The following RNGTT variants were observed in gnomAD, a reference collection of about 807,000 sequenced individuals.
RNGTT encodes the protein RNA guanylyltransferase and 5'-phosphatase, also known as mRNA-capping enzyme.
Under a neutral mutation model 79.3 loss-of-function variants are expected in RNGTT, and 33 were observed. That is an observed-to-expected ratio of 0.42 (90% CI 0.32 to 0.56). The LOEUF is 0.56. Ranked by LOEUF, RNGTT falls within the 20% of genes least tolerant of loss-of-function variation. The pLI is 0.17. For missense variants in RNGTT, 497 were observed against 739.1 expected (o/e 0.67, Z 3.80); for synonymous variants, 222 against 235.9 (o/e 0.94, Z 0.54).
chr6:88,942,479 T>G (rs1784882848), intron 1 of RNGTT, among the ~76,000 whole-genome samples: 1 of 151,868 alleles, frequency 6.6e-6, no homozygotes, highest in African/African-American at 2.4e-5. Flanking sequence ...CAAGCAATCC[T>G]TCCACCTCAG....
chr6:88,786,235 G>C (rs779183081), intron 12 of RNGTT, among the ~76,000 whole-genome samples: 5 of 151,960 alleles, frequency 3.3e-5, no homozygotes, highest in Non-Finnish European at 7.4e-5. Flanking sequence ...TAAAATCAAA[G>C]CTGATTTTTC....
At chr6:88,616,078 A>G (rs1772205695) in intron 14 of RNGTT, among the ~76,000 whole-genome samples, 1 of 152,188 alleles carries the variant, frequency 6.6e-6, no homozygotes, top group African/African-American at 2.4e-5. Context: ...GATACTTCAT[A>G]CGAGTATTAA....
chr6:88,919,937 C>A (rs1400966496), intron 4 of RNGTT, among the ~76,000 whole-genome samples: 3 of 152,042 alleles, frequency 2.0e-5, no homozygotes, highest in Admixed American at 6.5e-5. Flanking sequence ...GATCCACCCG[C>A]CTCGGCCTCC....
chr6:88,763,134 G>A (rs1419468027), intron 13 of RNGTT, among the ~76,000 whole-genome samples: 1 of 146,844 alleles, frequency 6.8e-6, no homozygotes, highest in East Asian at 2.0e-4. Flanking sequence ...TTAGAAATGG[G>A]GTTTCACCAG....
chr6:88,769,082 AAG>A (rs1381192750), intron 13 of RNGTT, among the ~76,000 whole-genome samples: 1 of 152,196 alleles, frequency 6.6e-6, no homozygotes, highest in Non-Finnish European at 1.5e-5. Context: ...TAATTCATAT[AAG>A]AGAATTATTT....
At chr6:88,903,078 C>T (rs1401502963) in intron 6 of RNGTT, among the ~76,000 whole-genome samples, 1 of 152,052 alleles carries the variant, frequency 6.6e-6, no homozygotes, top group Non-Finnish European at 1.5e-5. Context: ...AGAATAAAAG[C>T]AACCATAAAG....
intron 13 of RNGTT, among the ~76,000 whole-genome samples, chr6:88,717,073 C>A (rs1423693266): frequency 1.3e-5 from 2 of 152,108 alleles, no homozygotes; most frequent in Non-Finnish European, 2.9e-5. Flanking sequence ...TAAGTGAGAA[C>A]TTATGGTTTA....
chr6:88,800,652 C>T (rs9351185), intron 12 of RNGTT, among the ~76,000 whole-genome samples: 19,333 of 152,150 alleles, frequency 0.13, 1,394 homozygotes, highest in Middle Eastern at 0.23. Flanking sequence ...AAACACAAAC[C>T]GCTAAACTCC....
At chr6:88,645,941 G>T (rs569751358) in intron 14 of RNGTT, among the ~76,000 whole-genome samples, 1 of 152,170 alleles carries the variant, frequency 6.6e-6, no homozygotes, top group African/African-American at 2.4e-5. Context: ...ACATAGGCAT[G>T]GGCAAGGACT....
intron 13 of RNGTT, among the ~76,000 whole-genome samples, chr6:88,747,996 T>G (rs75891494): frequency 1.3e-5 from 2 of 152,148 alleles, no homozygotes; most frequent in Non-Finnish European, 2.9e-5. Flanking sequence ...TTAACTAAAC[T>G]AACACAGTAA....
chr6:88,861,609 C>T (rs184137640), intron 8 of RNGTT, among the ~76,000 whole-genome samples: 37 of 152,244 alleles, frequency 2.4e-4, no homozygotes, highest in Admixed American at 1.5e-3. Context: ...CTCCTTCTCA[C>T]CTCCTTTAAC....
chr6:88,798,294 G>C (rs1363563933), intron 12 of RNGTT, among the ~76,000 whole-genome samples: 1 of 151,886 alleles, frequency 6.6e-6, no homozygotes, highest in Non-Finnish European at 1.5e-5. Flanking sequence ...GCAAAACCCC[G>C]TATCTACGAA....
chr6:88,678,812 G>A (rs1478291747), intron 13 of RNGTT, among the ~76,000 whole-genome samples: 5 of 152,078 alleles, frequency 3.3e-5, no homozygotes, highest in Admixed American at 3.3e-4. Flanking sequence ...ATAATGATCA[G>A]TAAAATGTTG....
intron 12 of RNGTT, among the ~76,000 whole-genome samples, chr6:88,791,696 C>T (rs866261137): frequency 1.3e-5 from 2 of 152,096 alleles, no homozygotes; most frequent in Admixed American, 6.5e-5. Context: ...CCCACCACCA[C>T]ACCCGGCTAA....
chr6:88,846,237 T>G (rs986959764), intron 10 of RNGTT, among the ~76,000 whole-genome samples: 1 of 152,166 alleles, frequency 6.6e-6, no homozygotes, highest in African/African-American at 2.4e-5. Flanking sequence ...GTCTCCCTGT[T>G]TTCAGTTCTT....
intron 14 of RNGTT, among the ~76,000 whole-genome samples, chr6:88,668,231 A>C (rs1774494285): frequency 6.6e-6 from 1 of 152,144 alleles, no homozygotes; most frequent in Admixed American, 6.5e-5. Flanking sequence ...CACTCCCACC[A>C]CCATGAAGGT....
chr6:88,650,128 A>G (rs1365756468), intron 14 of RNGTT, among the ~76,000 whole-genome samples: 1 of 152,238 alleles, frequency 6.6e-6, no homozygotes, highest in African/African-American at 2.4e-5. Context: ...ACGGAATAGC[A>G]TGGAAGAGTT....
At chr6:88,849,309 A>G (rs536956117) in intron 10 of RNGTT, among the ~76,000 whole-genome samples, 2 of 152,196 alleles carry the variant, frequency 1.3e-5, no homozygotes, top group Non-Finnish European at 2.9e-5. Context: ...TGTCCAGAAA[A>G]AAATGTCTTT....
At position 88,651,077 on chromosome 6, in the gene RNGTT, G is replaced by A. The variant is rs190331564; in HGVS notation, c.1506+27276C>T. ...GCAGCAGAGGTGAGATTATAACTTT[G>A]AGCTCTCTTTATACTCCCATCTCTT... On this transcript the variant is annotated intron_variant, in intron 14 of 15. Coordinates refer to ENST00000369485, the MANE Select transcript of RNGTT (RefSeq NM_003800.5). Among the ~76,000 whole-genome samples, 91 of 151,866 alleles carry A rather than the reference G, an allele frequency of 6.0e-4. No individual in the cohort carries two copies. The South Asian group carries it at 1.0e-2, about 17-fold the overall frequency.
Sources: allele counts gnomAD v4.1 joint callset (sites outside exome capture counted in the v4.1 genomes callset), GRCh38; gene constraint gnomAD v4.1.1; transcripts MANE v1.5; gene names NCBI Gene and HGNC (gene_info 2026-07-23, HGNC 2026-07-21).